Variants in SEMA3A observed in about 807,000 individuals in gnomAD.
SEMA3A encodes semaphorin-3A.
A neutral mutation model predicts 97.9 loss-of-function variants in SEMA3A; 29 were observed. The observed-to-expected ratio is 0.30, with a 90% CI of 0.22 to 0.40. The LOEUF (loss-of-function observed/expected upper bound fraction) is 0.40. Among genes scored for constraint, SEMA3A ranks in the 10% least tolerant of loss-of-function variants. The probability of loss-of-function intolerance (pLI) is 1.00; values close to 1 mark genes in which losing one functional copy is unlikely to be tolerated. For synonymous variants in SEMA3A, 321 were observed against 323.7 expected (o/e 0.99, Z 0.09); for missense variants, 763 against 951.3 (o/e 0.80, Z 2.60).
chr7:84,106,432 C>G (rs1795110970), intron 4 of SEMA3A, among the ~76,000 whole-genome samples: 1 of 152,118 alleles, frequency 6.6e-6, no homozygotes, highest in African/African-American at 2.4e-5. Flanking sequence ...GCTATCCCAT[C>G]TAGATTGGTG....
At chr7:84,251,080 T>G (rs1799596338) in intron 3 of SEMA3A, among the ~76,000 whole-genome samples, 1 of 152,148 alleles carries the variant, frequency 6.6e-6, no homozygotes. Context: ...TATAAATAGG[T>G]TCAAATATAA....
At chr7:84,352,499 T>C (rs1802462872) in intron 2 of SEMA3A, among the ~76,000 whole-genome samples, 1 of 151,722 alleles carries the variant, frequency 6.6e-6, no homozygotes, top group African/African-American at 2.4e-5. Context: ...ATGTACCCCA[T>C]AAGTATATGC....
intron 4 of SEMA3A, among the ~76,000 whole-genome samples, chr7:84,084,729 T>A (rs3801612): frequency 0.41 from 62,743 of 151,892 alleles, 14,848 homozygotes; most frequent in Non-Finnish European, 0.52. Context: ...CTATGTGACA[T>A]AAAAAGTTCT....
chr7:84,463,436 G>A (rs539945855), intron 1 of SEMA3A, among the ~76,000 whole-genome samples: 1 of 151,728 alleles, frequency 6.6e-6, no homozygotes, highest in East Asian at 1.9e-4. Flanking sequence ...TTTTAGTAGA[G>A]ACGGGGTTTC....
chr7:84,465,905 A>C (rs1186201620), intron 1 of SEMA3A, among the ~76,000 whole-genome samples: 4 of 151,788 alleles, frequency 2.6e-5, no homozygotes, highest in African/African-American at 9.7e-5. Context: ...TCCCAACTTT[A>C]TCCCAAAACT....
rs548344226 is a variant in SEMA3A, at chr7:84,278,641, T to A, written c.-83+28566A>T. Reference sequence around the variant, plus strand: ...GGTCTCAGGAAACTTACAATCATGGTGGAGAGCAAAGGAAGGGCAGGCAGA... The same window carrying A: ...GGTCTCAGGAAACTTACAATCATGGAGGAGAGCAAAGGAAGGGCAGGCAGA... On this transcript the variant is annotated intron_variant, in intron 3 of 3. Transcript: ENST00000424555. 1.1e-4 allele frequency among the ~76,000 whole-genome samples: 16 copies of A among 152,096 alleles called. No individual in the cohort carries two copies. The South Asian group carries it at 2.3e-3, about 22-fold the overall frequency.
chr7:84,081,561 G>C (rs999812548), intron 4 of SEMA3A, among the ~76,000 whole-genome samples: 6 of 144,548 alleles, frequency 4.2e-5, no homozygotes, highest in Non-Finnish European at 6.0e-5. Context: ...CCAGTGCACT[G>C]TAGCCTGGGC....
intron 6 of SEMA3A, among the ~76,000 whole-genome samples, chr7:84,024,583 A>C (rs1791479419): frequency 6.6e-6 from 1 of 152,112 alleles, no homozygotes; most frequent in African/African-American, 2.4e-5. Context: ...AGAAAAAAGA[A>C]AAAAAATCAA....
rs538467805 is a variant in SEMA3A at position 84,317,128 on chromosome 7, A to G, written c.-168-9836T>C. Among the ~76,000 whole-genome samples, 554 of 152,288 alleles carry G rather than the reference A, an allele frequency of 3.6e-3. 2 individuals are homozygous for G. Among genetic ancestry groups the G allele is most frequent in the Non-Finnish European group, 6.2e-3 (422 of 68,020 alleles). On this transcript the variant is annotated intron_variant, in intron 2 of 3. Transcript: ENST00000424555. ...TTTGTCCCAAAGAAGCATAGTCACA[A>G]TGTAGCCTTGAGGGACTTTTATACA...
chr7:83,983,566 T>A (rs892709905), intron 13 of SEMA3A, among the ~76,000 whole-genome samples: 1 of 152,084 alleles, frequency 6.6e-6, no homozygotes, highest in African/African-American at 2.4e-5. Context: ...GTGGAAAGAA[T>A]AGCAAACCAA....
chr7:84,404,697 T>C (rs575923810), intron 1 of SEMA3A, among the ~76,000 whole-genome samples: 4,150 of 152,008 alleles, frequency 0.027, 161 homozygotes, highest in African/African-American at 0.093. Flanking sequence ...GCTGATCTCT[T>C]GGCAGAAACT....
intron 3 of SEMA3A, among the ~76,000 whole-genome samples, chr7:84,252,739 T>C (rs963570960): frequency 3.9e-5 from 6 of 152,220 alleles, no homozygotes; most frequent in African/African-American, 1.4e-4. Flanking sequence ...CTCTCATCTA[T>C]TTACAGAAAT....
intron 1 of SEMA3A, among the ~76,000 whole-genome samples, chr7:84,475,242 G>C (rs1187353388): frequency 6.6e-6 from 1 of 152,064 alleles, no homozygotes; most frequent in African/African-American, 2.4e-5. Context: ...TAGAGAGAGA[G>C]AGTCTGTTTT....
At chr7:84,266,091 A>G (rs1799993229) in intron 3 of SEMA3A, among the ~76,000 whole-genome samples, 1 of 151,824 alleles carries the variant, frequency 6.6e-6, no homozygotes, top group South Asian at 2.1e-4. Context: ...GGCCAAGGTG[A>G]GTGGATTACC....
rs1790863224 is a variant in SEMA3A, at chr7:84,011,249, G to C, written c.859C>G (p.Leu287Val). The change falls in exon 8 of 17, where the codon CTC becomes GTC. Residue 287 changes from leucine to valine, a missense_variant. By Grantham distance (32) the Leu-to-Val change is conservative (BLOSUM62 1). Coordinates refer to ENST00000265362, the MANE Select transcript of SEMA3A (RefSeq NM_006080.3). ...RSLVNKWTTF[L>V]KARLICSVPG... ...ACTGAGCAAATCAGACGAGCTTTGA[G>C]GAATGTTGTCCATTTATTCACCAGA... 1 of 1,613,836 alleles carries C rather than the reference G, an allele frequency of 6.2e-7. No individual in the cohort carries two copies. Among genetic ancestry groups the C allele is most frequent in the African/African-American group, 1.3e-5 (1 of 74,906 alleles).
chr7:84,231,471 A>G (rs1231486005), intron 3 of SEMA3A, among the ~76,000 whole-genome samples: 2 of 151,996 alleles, frequency 1.3e-5, no homozygotes, highest in Non-Finnish European at 2.9e-5. Context: ...TTTGAACATA[A>G]TTTTTCTGGG....
intron 1 of SEMA3A, among the ~76,000 whole-genome samples, chr7:84,384,537 G>A (rs1056386117): frequency 1.3e-5 from 2 of 152,040 alleles, no homozygotes; most frequent in African/African-American, 4.8e-5. Context: ...ATACAACAAA[G>A]GTTTATTTCT....
chr7:84,093,925 A>T (rs1439996140), intron 4 of SEMA3A, among the ~76,000 whole-genome samples: 1 of 9,570 alleles, frequency 1.0e-4, no homozygotes, highest in Non-Finnish European at 2.6e-4. Context: ...CCTAGAACTT[A>T]AAAAAAAAAA....
chr7:83,972,485 C>G (rs1584492157), intron 15 of SEMA3A, among the ~76,000 whole-genome samples: 2 of 151,966 alleles, frequency 1.3e-5, no homozygotes, highest in East Asian at 3.9e-4. Flanking sequence ...ATCTCTATGC[C>G]AGAGCAAAAT....
Sources: gnomAD v4.1 joint callset for allele counts (sites outside exome capture counted in the v4.1 genomes callset) on GRCh38, gnomAD v4.1.1 for gene constraint, MANE v1.5 for transcripts, NCBI Gene and HGNC (gene_info 2026-07-23, HGNC 2026-07-21) for gene names.